The following FER variants were observed in gnomAD, a reference collection of about 807,000 sequenced individuals.
FER encodes the protein FER tyrosine kinase.
FER carries 63 observed loss-of-function variants against 111.0 expected under a neutral mutation model. That is an observed-to-expected ratio of 0.57 (90% confidence interval 0.46 to 0.70). FER has a LOEUF of 0.70. Among genes scored for constraint, FER ranks in the 30% least tolerant of loss-of-function variants. The probability of loss-of-function intolerance (pLI) is 0.00; values close to 1 mark genes in which losing one functional copy is unlikely to be tolerated. For synonymous variants in FER, 327 were observed against 313.9 expected (o/e 1.04, Z -0.44); for missense variants, 914 against 954.0 (o/e 0.96, Z 0.55).
chr5:108,858,429 A>G (rs1763202937), intron 5 of FER, among the ~76,000 whole-genome samples: 1 of 152,154 alleles, frequency 6.6e-6, no homozygotes, highest in South Asian at 2.1e-4. Flanking sequence ...CTGTTTTCCA[A>G]AGTTACTTAG....
chr5:108,802,259 T>A (rs1056033299), intron 3 of FER, among the ~76,000 whole-genome samples: 3 of 152,166 alleles, frequency 2.0e-5, no homozygotes, highest in Non-Finnish European at 4.4e-5. Flanking sequence ...TGCTTGGAAT[T>A]ACATTGAATG....
In FER at chr5:109,108,146, A is replaced by G. The variant is rs556446056; in HGVS notation, c.2048+7627A>G. Among the ~76,000 whole-genome samples the G allele has an allele frequency of 5.3e-5, 8 of 152,218 alleles. No individual in the cohort carries two copies. The South Asian group carries it at 8.3e-4, about 16-fold the overall frequency. On this transcript the variant is annotated intron_variant, in intron 17 of 19. Coordinates refer to ENST00000281092, the MANE Select transcript of FER (RefSeq NM_005246.4). ...GGAGAGCTCACTGTTTGCCAAGTACATTCATATGCTCATTTAACCTTATAT... is the reference window on the plus strand; with the variant it reads ...GGAGAGCTCACTGTTTGCCAAGTACGTTCATATGCTCATTTAACCTTATAT...
intron 3 of FER, among the ~76,000 whole-genome samples, chr5:108,799,851 T>C (rs964116057): frequency 2.0e-5 from 3 of 151,442 alleles, no homozygotes; most frequent in African/African-American, 7.3e-5. Flanking sequence ...CTTTTCTTTT[T>C]TTTTTTTTTG....
chr5:108,810,250 C>T (rs553420781), intron 3 of FER, among the ~76,000 whole-genome samples: 12 of 152,248 alleles, frequency 7.9e-5, no homozygotes, highest in African/African-American at 2.9e-4. Flanking sequence ...TAAGCCAGTA[C>T]ATAGCGCTTA....
At chr5:108,911,562 T>C (rs937106492) in intron 10 of FER, among the ~76,000 whole-genome samples, 2 of 152,158 alleles carry the variant, frequency 1.3e-5, no homozygotes, top group African/African-American at 4.8e-5. Context: ...GGAAGAGTGT[T>C]TCTTAGGTTT....
intron 17 of FER, among the ~76,000 whole-genome samples, chr5:109,146,114 C>G (rs1005416905): frequency 1.4e-5 from 2 of 144,510 alleles, no homozygotes; most frequent in African/African-American, 2.5e-5. Context: ...TATAGTTTTC[C>G]ATTTTAATTG....
intron 10 of FER, among the ~76,000 whole-genome samples, chr5:108,918,483 GT>G (rs1233989359): frequency 6.7e-6 from 1 of 148,702 alleles, no homozygotes; most frequent in Non-Finnish European, 1.5e-5. Context: ...CTGGGTGTGT[GT>G]TTTTTCTTTT....
At chr5:108,983,235 A>G (rs2149726420) in intron 13 of FER, among the ~76,000 whole-genome samples, 1 of 152,154 alleles carries the variant, frequency 6.6e-6, no homozygotes, top group East Asian at 1.9e-4. Flanking sequence ...TGACTTCTGA[A>G]AAAGGAATTA....
rs887898766 is a variant in FER, at chr5:109,195,026, A to G, written c.*7451A>G. ...AAGAACCAGCCTGGCAGTCTTTCCC[A>G]CCTCATTGGTCCGTGCTTTTATTTT... On this transcript the variant is annotated 3_prime_UTR_variant, in exon 20 of 20. Transcript: ENST00000281092. 1 of 152,118 alleles carries G rather than the reference A, an allele frequency of 6.6e-6. No homozygotes were observed. The highest frequency in any genetic ancestry group is 2.4e-5 in the African/African-American group (1 of 41,434). The allele number at this position is 152,118 out of a possible 1,614,324, so 9.4% of individuals were successfully genotyped here. A position where few individuals can be genotyped will look rare whatever the true frequency, so the allele number is the denominator to read the frequency against.
chr5:109,068,354 TTG>T (rs1775372193), intron 16 of FER, among the ~76,000 whole-genome samples: 1 of 152,082 alleles, frequency 6.6e-6, no homozygotes, highest in African/African-American at 2.4e-5. Flanking sequence ...CGGCTAATTT[TTG>T]TGTTTTTTGT....
intron 6 of FER, among the ~76,000 whole-genome samples, chr5:108,870,513 G>C (rs1764501393): frequency 6.6e-6 from 1 of 151,956 alleles, no homozygotes; most frequent in East Asian, 1.9e-4. Context: ...TTTGAAACTA[G>C]CATTGCCTGA....
chr5:108,811,413 A>G (rs1757747518), intron 3 of FER, among the ~76,000 whole-genome samples: 1 of 152,224 alleles, frequency 6.6e-6, no homozygotes, highest in Non-Finnish European at 1.5e-5. Flanking sequence ...TCTATTTTGT[A>G]TCAGTTGAAT....
At chr5:108,803,051 A>G (rs564727806) in intron 3 of FER, among the ~76,000 whole-genome samples, 2 of 152,214 alleles carry the variant, frequency 1.3e-5, no homozygotes, top group Admixed American at 6.5e-5. Flanking sequence ...CTGGTGTGAG[A>G]TGGTATCTCA....
intron 17 of FER, among the ~76,000 whole-genome samples, chr5:109,134,422 T>A (rs1469232184): frequency 6.6e-6 from 1 of 152,222 alleles, no homozygotes; most frequent in Non-Finnish European, 1.5e-5. Flanking sequence ...GGTTTTATAA[T>A]CTTAAGGTTT....
chr5:109,184,765 T>G (rs1402389981), intron 18 of FER, among the ~76,000 whole-genome samples: 30 of 152,218 alleles, frequency 2.0e-4, no homozygotes, highest in Admixed American at 2.0e-3. Flanking sequence ...TTCACACAGC[T>G]GGAGCTGATA....
intron 17 of FER, among the ~76,000 whole-genome samples, chr5:109,169,567 A>G (rs1756895325): frequency 6.6e-6 from 1 of 152,196 alleles, no homozygotes; most frequent in African/African-American, 2.4e-5. Flanking sequence ...GGAGGCAAGG[A>G]AAGAACTGCT....
At chr5:109,022,652 T>C (rs1236609836) in intron 13 of FER, among the ~76,000 whole-genome samples, 1 of 152,090 alleles carries the variant, frequency 6.6e-6, no homozygotes, top group Non-Finnish European at 1.5e-5. Context: ...AGGGTCACTT[T>C]AGTTAGGATG....
intron 18 of FER, among the ~76,000 whole-genome samples, chr5:109,185,489 G>A (rs574476187): frequency 2.5e-4 from 38 of 152,310 alleles, no homozygotes; most frequent in African/African-American, 8.4e-4. Flanking sequence ...CGAAGTAGGC[G>A]TAAGACAAAA....
intron 8 of FER, among the ~76,000 whole-genome samples, chr5:108,878,731 A>T (rs1765345921): frequency 1.3e-5 from 2 of 152,184 alleles, no homozygotes; most frequent in Admixed American, 6.6e-5. Context: ...GGAAGGGATC[A>T]TGCAAGTGAG....
Sources: allele counts gnomAD v4.1 joint callset (sites outside exome capture counted in the v4.1 genomes callset), GRCh38; gene constraint gnomAD v4.1.1; transcripts MANE v1.5; gene names NCBI Gene and HGNC (gene_info 2026-07-23, HGNC 2026-07-21).